PRKG1: variants seen among roughly 807,000 people sequenced by gnomAD.
PRKG1 encodes protein kinase cGMP-dependent 1.
In PRKG1, 35 loss-of-function variants were observed where a neutral mutation model predicts 88.1. The ratio of observed to expected loss-of-function variants is 0.40; its 90% CI spans 0.30 to 0.53. The LOEUF is 0.53. PRKG1 is among the 20% of genes least tolerant of loss of function. The probability of loss-of-function intolerance (pLI) is 0.59; values close to 1 mark genes in which losing one functional copy is unlikely to be tolerated. For synonymous variants in PRKG1, 303 were observed against 292.5 expected, an observed-to-expected ratio of 1.04 and a Z score of -0.37; for missense variants, 540 against 839.8, an observed-to-expected ratio of 0.64 and a Z score of 4.41.
At chr10:51,645,145 C>A (rs1296456426) in intron 3 of PRKG1, among the ~76,000 whole-genome samples, 1 of 152,118 alleles carries the variant, frequency 6.6e-6, no homozygotes, top group Non-Finnish European at 1.5e-5. Context: ...TTCTAAGCCT[C>A]ATTAACACAT....
intron 1 of PRKG1, among the ~76,000 whole-genome samples, chr10:51,091,228 G>A (rs1844390455): frequency 6.6e-6 from 1 of 152,136 alleles, no homozygotes; most frequent in South Asian, 2.1e-4. Flanking sequence ...CTTTATGGAA[G>A]TATAATTTAT....
chr10:51,002,861 T>C (rs1237386655), intron 1 of PRKG1, among the ~76,000 whole-genome samples: 1 of 152,166 alleles, frequency 6.6e-6, no homozygotes, highest in Non-Finnish European at 1.5e-5. Flanking sequence ...GCCTCTTTAA[T>C]TGGTCTTTTT....
At chr10:51,576,710 A>G (rs1274997088) in intron 3 of PRKG1, among the ~76,000 whole-genome samples, 1 of 151,954 alleles carries the variant, frequency 6.6e-6, no homozygotes, top group Non-Finnish European at 1.5e-5. Flanking sequence ...CCTAAGTGTT[A>G]TTTTCAAAAT....
intron 2 of PRKG1, chr10:51,299,577 T>C (rs770535134): frequency 6.6e-5 from 31 of 472,928 alleles, no homozygotes; most frequent in South Asian, 4.8e-4. Flanking sequence ...TCTCTAGCCC[T>C]AGCTTGGTTC....
intron 3 of PRKG1, among the ~76,000 whole-genome samples, chr10:51,786,608 A>G (rs1361198064): frequency 1.3e-5 from 2 of 152,172 alleles, no homozygotes; most frequent in Admixed American, 1.3e-4. Flanking sequence ...CACTCACCAC[A>G]CTATATTGAT....
At chr10:52,151,262 G>A (rs1837906559) in intron 8 of PRKG1, among the ~76,000 whole-genome samples, 1 of 152,024 alleles carries the variant, frequency 6.6e-6, no homozygotes, top group Non-Finnish European at 1.5e-5. Flanking sequence ...GTGGGCCCTA[G>A]TGTCGGTTTT....
At chr10:51,074,427 G>A, upstream of PRKG1, 1 of 1,445,424 alleles carries the variant, frequency 6.9e-7, no homozygotes, top group Non-Finnish European at 9.1e-7. Flanking sequence ...GGCTGGAGCC[G>A]GCGGACTGGG....
chr10:52,043,786 C>G (rs2133234682), intron 5 of PRKG1, among the ~76,000 whole-genome samples: 1 of 150,762 alleles, frequency 6.6e-6, no homozygotes, highest in African/African-American at 2.4e-5. Context: ...ATTGAAACAT[C>G]ACATTTTACT....
chr10:52,078,228 CA>C (rs1242561985), intron 7 of PRKG1, among the ~76,000 whole-genome samples: 2 of 152,168 alleles, frequency 1.3e-5, no homozygotes, highest in Non-Finnish European at 2.9e-5. Flanking sequence ...AAGTCTTTTA[CA>C]TTGTATTACC....
chr10:51,499,172 G>A (rs904739653), intron 3 of PRKG1, among the ~76,000 whole-genome samples: 5 of 152,184 alleles, frequency 3.3e-5, no homozygotes, highest in African/African-American at 1.2e-4. Context: ...TCTGGGAGTT[G>A]GGACAAGAGC....
chr10:51,361,346 C>A (rs1034062694), intron 2 of PRKG1, among the ~76,000 whole-genome samples: 2 of 151,852 alleles, frequency 1.3e-5, no homozygotes, highest in Non-Finnish European at 2.9e-5. Context: ...ACTCGCTTGG[C>A]ATTTGTAATT....
In PRKG1 at chr10:51,341,501, C is replaced by A. The variant is rs149647370; in HGVS notation, c.479-126222C>A. The stretch of plus-strand genomic sequence containing the variant: ...GATACTTTAAGGATCCCTAACTTCT[C>A]TTGTCTTCCCTAAGGCAAGTGTTAT... On this transcript the variant is annotated intron_variant, in intron 2 of 17. Transcript: ENST00000373980. Among the ~76,000 whole-genome samples the A allele has an allele frequency of 3.6e-3, 549 of 152,306 alleles. 5 individuals carry two copies. The highest frequency in any genetic ancestry group is 0.034 in the Middle Eastern group (10 of 294).
rs866433562 is a variant in PRKG1, at chr10:51,034,672, A to T, written c.266+43028A>T. Among the ~76,000 whole-genome samples the T allele has an allele frequency of 1.8e-4, 18 of 99,152 alleles. 1 individual carries two copies. Among genetic ancestry groups the T allele is most frequent in the East Asian group, 5.2e-4 (2 of 3,860 alleles). The allele number at this position is 99,152 out of a possible 152,430, so 65.0% of individuals were successfully genotyped here. ...AAATTATATATAATATGTTATTTAT[A>T]TATATATATATATATATATATATAT... is the stretch of plus-strand genomic sequence containing the variant. On this transcript the variant is annotated intron_variant, in intron 1 of 17. Coordinates refer to the PRKG1 transcript ENST00000401604.
intron 4 of PRKG1, among the ~76,000 whole-genome samples, chr10:51,838,582 C>T (rs1046944568): frequency 1.3e-5 from 2 of 152,150 alleles, no homozygotes; most frequent in Non-Finnish European, 2.9e-5. Context: ...TGGAAAGTGT[C>T]CTGCAGGTGT....
At chr10:51,639,505 G>A (rs1160931792) in intron 3 of PRKG1, among the ~76,000 whole-genome samples, 2 of 136,426 alleles carry the variant, frequency 1.5e-5, no homozygotes. Context: ...AAAGACTGGA[G>A]TGAGATGGAA....
intron 1 of PRKG1, among the ~76,000 whole-genome samples, chr10:50,994,704 G>A (rs1842817954): frequency 6.6e-6 from 1 of 151,456 alleles, no homozygotes; most frequent in African/African-American, 2.4e-5. Context: ...AAAATACCCA[G>A]TTTTTATACC....
intron 1 of PRKG1, among the ~76,000 whole-genome samples, chr10:51,049,516 A>T (rs1406202527): frequency 6.6e-6 from 1 of 152,154 alleles, no homozygotes; most frequent in Non-Finnish European, 1.5e-5. Flanking sequence ...TCATTTATTC[A>T]CACTTTTCTC....
intron 3 of PRKG1, among the ~76,000 whole-genome samples, chr10:51,712,341 A>C (rs1396219085): frequency 6.6e-6 from 1 of 152,188 alleles, no homozygotes; most frequent in Non-Finnish European, 1.5e-5. Flanking sequence ...ACATGGTTCC[A>C]GAAAGAAAGG....
At chr10:52,219,593 AAAG>A (rs1485957170) in intron 9 of PRKG1, among the ~76,000 whole-genome samples, 2 of 151,688 alleles carry the variant, frequency 1.3e-5, no homozygotes, top group African/African-American at 2.4e-5. Flanking sequence ...AAACTGTTGG[AAAG>A]AAGGAGATGT....
Sources: allele counts gnomAD v4.1 joint callset (sites outside exome capture counted in the v4.1 genomes callset), GRCh38; gene constraint gnomAD v4.1.1; transcripts MANE v1.5; gene names NCBI Gene and HGNC (gene_info 2026-07-23, HGNC 2026-07-21).